Variants in MICAL3 observed in about 807,000 individuals in gnomAD.
The protein encoded by MICAL3 is [F-actin]-monooxygenase MICAL3.
A neutral mutation model predicts 207.4 loss-of-function variants in MICAL3; 62 were observed. The observed-to-expected ratio is 0.30, with a 90% CI of 0.24 to 0.37. The LOEUF is 0.37. MICAL3 is among the 10% of genes least tolerant of loss of function. MICAL3 has a pLI of 1.00. For synonymous variants in MICAL3, 1,077 were observed against 1,069.3 expected (o/e 1.01, Z -0.14); for missense variants, 2,368 against 2,635.6 (o/e 0.90, Z 2.22).
At chr22:17,906,062 G>A (rs1034186034) in intron 2 of MICAL3, among the ~76,000 whole-genome samples, 2 of 152,192 alleles carry the variant, frequency 1.3e-5, no homozygotes, top group Non-Finnish European at 2.9e-5. Flanking sequence ...TGTTCAGACA[G>A]GATACCAGCA....
chr22:17,947,231 G>A (rs1934116452), intron 1 of MICAL3, among the ~76,000 whole-genome samples: 1 of 152,194 alleles, frequency 6.6e-6, no homozygotes, highest in African/African-American at 2.4e-5. Flanking sequence ...CTGCCAGCAA[G>A]ACTGTGCCCG....
At chr22:18,018,768 C>A (rs200285258) in intron 1 of MICAL3, among the ~76,000 whole-genome samples, 1 of 138,168 alleles carries the variant, frequency 7.2e-6, no homozygotes, top group African/African-American at 2.7e-5. Flanking sequence ...ATCTATCTAT[C>A]TACACACACA....
At chr22:17,973,490 G>A (rs1285544374) in intron 1 of MICAL3, among the ~76,000 whole-genome samples, 1 of 152,202 alleles carries the variant, frequency 6.6e-6, no homozygotes. Flanking sequence ...AAGCAGCACA[G>A]GGTGTGAAGC....
At chr22:17,984,282 G>A (rs1443020120) in intron 1 of MICAL3, among the ~76,000 whole-genome samples, 2 of 152,188 alleles carry the variant, frequency 1.3e-5, no homozygotes, top group African/African-American at 4.8e-5. Context: ...TGCTGAGGAA[G>A]GAAAGGAACT....
intron 28 of MICAL3, among the ~76,000 whole-genome samples, chr22:17,809,892 T>A (rs2062025393): frequency 1.3e-5 from 2 of 151,798 alleles, no homozygotes; most frequent in Admixed American, 6.6e-5. Flanking sequence ...TTTTTTTTTT[T>A]ATTTTTATTT....
chr22:17,901,938 C>T lies in MICAL3; in HGVS notation c.631G>A (p.Val211Met). Residue 211 changes from valine (V) to methionine (M), a missense_variant, in exon 5 of 32, where the codon GTG becomes ATG. Physicochemically the swap from Val to Met is conservative, Grantham distance 21. Transcript: ENST00000441493. Reference sequence around the variant, plus strand: ...ATCACTTCAAATTCATACTCTGACACAGGATGAGTCTTGGGGTGCACCAGT... The same window carrying T: ...ATCACTTCAAATTCATACTCTGACATAGGATGAGTCTTGGGGTGCACCAGT... ...RALVHPKTHP[V>M]SEYEFEVIIG... 1 of 1,613,850 alleles carries T rather than the reference C, an allele frequency of 6.2e-7. No individual in the cohort carries two copies. The highest frequency in any genetic ancestry group is 8.5e-7 in the Non-Finnish European group (1 of 1,179,860).
At chr22:17,804,114 G>T (rs2061966630) in intron 29 of MICAL3, among the ~76,000 whole-genome samples, 3 of 152,192 alleles carry the variant, frequency 2.0e-5, no homozygotes, top group Admixed American at 6.5e-5. Context: ...ACTGTGGGGA[G>T]TCAATGGTCA....
intron 15 of MICAL3, 48 bp downstream of exon 15, chr22:17,887,122 G>A (rs1191555070): frequency 2.1e-6 from 3 of 1,441,574 alleles, no homozygotes; most frequent in South Asian, 1.2e-5. Flanking sequence ...TTAACCAAAA[G>A]GGGCTATTCC....
rs371424126 is a variant in MICAL3 at position 17,823,682 on chromosome 22, C to T, written c.3194-622G>A. On this transcript the variant is annotated intron_variant, in intron 22 of 31. Coordinates refer to ENST00000441493, the MANE Select transcript of MICAL3 (RefSeq NM_015241.3). ...CTACGTGTACAAGGTATATATGACA[C>T]ATAAATACATTTCGTGTTTAGACTT... Among the ~76,000 whole-genome samples, 19 of 152,284 alleles carry T rather than the reference C, an allele frequency of 1.2e-4. No individual in the cohort carries two copies. The East Asian group carries it at 1.9e-3, about 15-fold the overall frequency.
intron 1 of MICAL3, among the ~76,000 whole-genome samples, chr22:17,921,362 A>G (rs917817301): frequency 6.6e-6 from 1 of 152,268 alleles, no homozygotes; most frequent in Non-Finnish European, 1.5e-5. Flanking sequence ...AGAAAGGCAT[A>G]GAACTGTCTC....
chr22:17,910,794 AC>A (rs577223215), intron 1 of MICAL3, among the ~76,000 whole-genome samples: 1 of 152,340 alleles, frequency 6.6e-6, no homozygotes, highest in African/African-American at 2.4e-5. Context: ...GCCGGGAAGC[AC>A]AGCAGAGCAG....
At chr22:17,826,634 A>G in intron 22 of MICAL3, 1 of 354,054 alleles carries the variant, frequency 2.8e-6, no homozygotes, top group Non-Finnish European at 4.0e-6. Flanking sequence ...CATTCAGGAC[A>G]GACGCCTGTC....
chr22:17,841,485 G>A lies in MICAL3; in HGVS notation c.2801+337C>T. On this transcript the variant is annotated intron_variant, in intron 20 of 31. Transcript: ENST00000441493. The surrounding 1 kb of genome is among the most constrained non-coding windows in gnomAD (Gnocchi z 4.2). ...TGCACTGGTGGCTGAATCACCCAGA[G>A]TCCCTCCCCGTGTGCCCGTCCTTCC... 2.0e-6 allele frequency: 1 copy of A among 495,004 alleles called. No homozygotes were observed. Among genetic ancestry groups the A allele is most frequent in the East Asian group, 3.0e-5 (1 of 33,492 alleles). The allele number at this position is 495,004 out of a possible 1,614,324, so 30.7% of individuals were successfully genotyped here. A position where few individuals can be genotyped will look rare whatever the true frequency, so the allele number is the denominator to read the frequency against.
At chr22:17,983,341 C>T (rs553401418) in intron 1 of MICAL3, 1 of 152,522 alleles carries the variant, frequency 6.6e-6, no homozygotes, top group South Asian at 2.1e-4. Flanking sequence ...CTTTTAACAA[C>T]CAAGGGTCTT....
At chr22:17,836,565 G>A (rs1923392252) in intron 20 of MICAL3, among the ~76,000 whole-genome samples, 1 of 152,050 alleles carries the variant, frequency 6.6e-6, no homozygotes, top group Middle Eastern at 3.4e-3. Flanking sequence ...GATGCAACCT[G>A]AGAAGTGCAG....
At position 17,906,894 on chromosome 22, in the gene MICAL3, A is replaced by G. The variant is rs1931759419; in HGVS notation, c.-74-8T>C. ...TGACACTGTCACGTTAATCTGACAA[A>G]AAGAAAGAAAAACGTGGTTAGCATT... is the stretch of plus-strand genomic sequence containing the variant. On this transcript the variant is annotated splice_region_variant and splice_polypyrimidine_tract_variant and intron_variant, in intron 1 of 31. Coordinates refer to ENST00000441493, the MANE Select transcript of MICAL3 (RefSeq NM_015241.3). The G allele has an allele frequency of 1.5e-6, 2 of 1,348,306 alleles. No homozygotes were observed. Among genetic ancestry groups the G allele is most frequent in the African/African-American group, 1.5e-5 (1 of 68,368 alleles). The allele number at this position is 1,348,306 out of a possible 1,614,324, so 83.5% of individuals were successfully genotyped here.
At chr22:17,794,376 A>G (rs914577167) in intron 29 of MICAL3, among the ~76,000 whole-genome samples, 3 of 152,252 alleles carry the variant, frequency 2.0e-5, no homozygotes, top group Non-Finnish European at 2.9e-5. Context: ...GAATCCTCTA[A>G]GATGTCACCA....
chr22:17,861,007 CTATA>C, intron 19 of MICAL3: 1 of 984,968 alleles, frequency 1.0e-6, no homozygotes, highest in Non-Finnish European at 1.2e-6. Context: ...AAACGTGTAC[CTATA>C]TATAAACATT....
chr22:17,860,405 C>T lies in MICAL3; in HGVS notation c.2605+4494G>A, dbSNP rs562405293. On this transcript the variant is annotated intron_variant, in intron 19 of 31. Transcript: ENST00000441493. ...CGTGTTCCTTGGCACAGCTAATCCT[C>T]TCCTGTTGGGCTCTCGTACCGCCGC... 4.9e-5 allele frequency: 48 copies of T among 985,462 alleles called. No homozygotes were observed. In the South Asian group the frequency reaches 5.2e-4, roughly 11 times the overall value. 61.0% of individuals were successfully genotyped at this position (985,462 alleles called of 1,614,324 possible).
Sources: allele counts gnomAD v4.1 joint callset (sites outside exome capture counted in the v4.1 genomes callset), GRCh38; gene constraint gnomAD v4.1.1; non-coding constraint Gnocchi (gnomAD v3.1); transcripts MANE v1.5; gene names NCBI Gene and HGNC (gene_info 2026-07-23, HGNC 2026-07-21).